Variants in CCDC7 observed in about 807,000 individuals in gnomAD.
CCDC7 encodes the protein coiled-coil domain-containing protein 7.
Under a neutral mutation model 196.9 loss-of-function variants are expected in CCDC7, and 183 were observed. The ratio of observed to expected loss-of-function variants is 0.93; its 90% CI spans 0.82 to 1.05. The LOEUF is 1.05. Ranked by LOEUF, CCDC7 falls within the 50% of genes least tolerant of loss-of-function variation. The probability of loss-of-function intolerance (pLI) is 0.00; values close to 1 mark genes in which losing one functional copy is unlikely to be tolerated. For missense variants in CCDC7, 1,540 were observed against 1,482.2 expected (o/e 1.04, Z -0.64); for synonymous variants, 525 against 484.6 (o/e 1.08, Z -1.10).
At chr10:32,835,603 T>C (rs2092539018) in intron 33 of CCDC7, among the ~76,000 whole-genome samples, 1 of 152,136 alleles carries the variant, frequency 6.6e-6, no homozygotes, top group Non-Finnish European at 1.5e-5. Flanking sequence ...AAATACTGCA[T>C]GTCCTCACCT....
chr10:32,491,425 G>T (rs117302429), intron 8 of CCDC7, among the ~76,000 whole-genome samples: 6,156 of 152,134 alleles, frequency 0.04, 132 homozygotes, highest in Middle Eastern at 0.051. Flanking sequence ...AGCATCTTAG[G>T]TTCTCTTTTG....
chr10:32,491,803 C>T lies in CCDC7; in HGVS notation c.797-119C>T, dbSNP rs958824573. 8 of 897,246 alleles carry T rather than the reference C, an allele frequency of 8.9e-6. No homozygotes were observed. The African/African-American group carries it at 1.2e-4, about 14-fold the overall frequency. 55.6% of individuals were successfully genotyped at this position (897,246 alleles called of 1,614,324 possible). On this transcript the variant is annotated intron_variant, in intron 8 of 41. Transcript: ENST00000639629. The stretch of plus-strand genomic sequence containing the variant: ...GCATTCTGTTAATAGTCATGTAGCC[C>T]ATGCTAGCCCCTCTTTATGTTTGTT...
intron 41 of CCDC7, among the ~76,000 whole-genome samples, chr10:32,874,854 A>G (rs1384617651): frequency 2.6e-5 from 4 of 151,770 alleles, no homozygotes; most frequent in Non-Finnish European, 1.5e-5. Context: ...GGTCTTAGTC[A>G]TAAATTCTTT....
intron 21 of CCDC7, among the ~76,000 whole-genome samples, chr10:32,670,464 A>G (rs1156351013): frequency 6.6e-6 from 1 of 151,750 alleles, no homozygotes; most frequent in Non-Finnish European, 1.5e-5. Context: ...ATATGTATAC[A>G]TGTGCCATGC....
chr10:32,584,127 C>CA, intron 17 of CCDC7, 105 bp from the exon 19 acceptor site: 1 of 453,234 alleles, frequency 2.2e-6, no homozygotes, highest in Admixed American at 4.3e-5. Flanking sequence ...TAGATGAGAG[C>CA]AAAAAGCTAG....
intron 3 of CCDC7, among the ~76,000 whole-genome samples, chr10:32,461,713 A>G (rs199529009): frequency 0.29 from 10,942 of 37,904 alleles, 687 homozygotes; most frequent in East Asian, 0.37. Flanking sequence ...GTGTGTGTAT[A>G]TATATATATA....
chr10:32,848,062 C>G (rs954697541), intron 38 of CCDC7, 146 bp downstream of exon 39: 32 of 488,086 alleles, frequency 6.6e-5, no homozygotes, highest in African/African-American at 5.0e-4. Context: ...GTTAAACTCT[C>G]GTATTATCAA....
chr10:32,553,618 G>A (rs527444938), intron 13 of CCDC7, among the ~76,000 whole-genome samples: 1 of 152,254 alleles, frequency 6.6e-6, no homozygotes, highest in South Asian at 2.1e-4. Context: ...TTCCCTTGAT[G>A]TAGTACTCTC....
chr10:32,817,643 C>A (rs1276430899), intron 31 of CCDC7, among the ~76,000 whole-genome samples: 1 of 152,232 alleles, frequency 6.6e-6, no homozygotes, highest in African/African-American at 2.4e-5. Flanking sequence ...GATCTCTCAG[C>A]AGAAACTCTA....
At chr10:32,616,531 T>G (rs1404617079) in intron 18 of CCDC7, among the ~76,000 whole-genome samples, 1 of 151,630 alleles carries the variant, frequency 6.6e-6, no homozygotes, top group Non-Finnish European at 1.5e-5. Flanking sequence ...TTTTCCGAAT[T>G]GATTTATCAA....
At chr10:32,804,951 A>C (rs548077016) in intron 29 of CCDC7, 64 bp from the exon 31 acceptor site, 109 of 845,564 alleles carry the variant, frequency 1.3e-4, no homozygotes, top group African/African-American at 6.5e-4. Context: ...ACACACACAC[A>C]CCCCTCACAT....
chr10:32,761,809 A>G (rs888253241), intron 28 of CCDC7, among the ~76,000 whole-genome samples: 5 of 151,958 alleles, frequency 3.3e-5, no homozygotes, highest in African/African-American at 1.2e-4. Flanking sequence ...GGAAGATCCT[A>G]ATGAAGCTAG....
At chr10:32,647,938 T>G (rs1163104956) in intron 20 of CCDC7, among the ~76,000 whole-genome samples, 2 of 152,266 alleles carry the variant, frequency 1.3e-5, no homozygotes, top group Non-Finnish European at 2.9e-5. Flanking sequence ...CTAGGTTGTC[T>G]TCTAGGATTT....
intron 18 of CCDC7, among the ~76,000 whole-genome samples, chr10:32,586,022 C>T (rs1447149192): frequency 1.3e-5 from 2 of 152,214 alleles, no homozygotes; most frequent in Non-Finnish European, 2.9e-5. Flanking sequence ...TTCTCCACAT[C>T]CTTTCCAGCA....
chr10:32,648,776 T>C (rs1200754560), intron 20 of CCDC7, among the ~76,000 whole-genome samples: 1 of 152,208 alleles, frequency 6.6e-6, no homozygotes, highest in African/African-American at 2.4e-5. Context: ...GATACTGAAT[T>C]TTTTTTCATG....
intron 23 of CCDC7, among the ~76,000 whole-genome samples, chr10:32,689,719 G>C (rs1329582011): frequency 6.6e-6 from 1 of 150,972 alleles, no homozygotes. Flanking sequence ...TATCGAAACA[G>C]TTCCAGTAAC....
At chr10:32,805,247 A>G in intron 30 of CCDC7, 149 bp downstream of exon 31, 1 of 607,276 alleles carries the variant, frequency 1.6e-6, no homozygotes, top group Non-Finnish European at 2.9e-6. Context: ...GTTTTACTCT[A>G]GAACATATTT....
chr10:32,699,868 G>C (rs1247328851), intron 24 of CCDC7, among the ~76,000 whole-genome samples: 1 of 149,464 alleles, frequency 6.7e-6, no homozygotes, highest in Non-Finnish European at 1.5e-5. Context: ...AGAAGTATCT[G>C]TTCATATCCT....
chr10:32,795,048 G>A (rs954737288), intron 29 of CCDC7, among the ~76,000 whole-genome samples: 1 of 152,086 alleles, frequency 6.6e-6, no homozygotes. Flanking sequence ...ATATTGAATA[G>A]ATTCAATATT....
Sources: allele counts gnomAD v4.1 joint callset (sites outside exome capture counted in the v4.1 genomes callset), GRCh38; gene constraint gnomAD v4.1.1; transcripts MANE v1.5; gene names NCBI Gene and HGNC (gene_info 2026-07-23, HGNC 2026-07-21).